The following MMP26 variants were observed in gnomAD, a reference collection of about 807,000 sequenced individuals.
The protein encoded by MMP26 is matrix metalloproteinase-26.
MMP26 carries 33 observed loss-of-function variants against 31.0 expected under a neutral mutation model. The ratio of observed to expected loss-of-function variants is 1.06; its 90% CI spans 0.81 to 1.42. The LOEUF is 1.42. Ranked by LOEUF, MMP26 falls within the 40% of genes most tolerant of loss-of-function variation. The pLI, the probability that MMP26 is intolerant of heterozygous loss-of-function variation, is 0.00. For missense variants in MMP26, 347 were observed against 316.1 expected (o/e 1.10, Z -0.74); for synonymous variants, 122 against 114.9 (o/e 1.06, Z -0.40).
intron 2 of MMP26, among the ~76,000 whole-genome samples, chr11:4,800,164 C>A (rs763994525): frequency 8.5e-5 from 13 of 152,232 alleles, no homozygotes; most frequent in Non-Finnish European, 1.6e-4. Context: ...TTCCCTTCAG[C>A]GCTGGCTTAC....
rs1030723 is a variant in MMP26, at chr11:4,769,241, G to C, written c.-145+1900G>C. The C allele has an allele frequency of 3.6e-4, 587 of 1,613,354 alleles. 1 individual carries two copies. Among genetic ancestry groups the C allele is most frequent in the Non-Finnish European group, 4.6e-4 (537 of 1,179,422 alleles). On this transcript the variant is annotated intron_variant, in intron 2 of 7. Transcript: ENST00000380390. ...TTCAGGGGAGGCAATTCTGAGGACA[G>C]AGTGAATAATTAAGATATATGACAG...
chr11:4,865,998 G>T (rs1850228899), intron 2 of MMP26, among the ~76,000 whole-genome samples: 1 of 152,098 alleles, frequency 6.6e-6, no homozygotes, highest in Non-Finnish European at 1.5e-5. Flanking sequence ...TTGACAACTG[G>T]TTGAATATTA....
At chr11:4,854,527 C>T (rs1850021649) in intron 2 of MMP26, among the ~76,000 whole-genome samples, 1 of 152,196 alleles carries the variant, frequency 6.6e-6, no homozygotes, top group African/African-American at 2.4e-5. Context: ...GGGCGTCTGA[C>T]ATTGCTGAGG....
intron 2 of MMP26, among the ~76,000 whole-genome samples, chr11:4,965,480 A>G (rs1427193612): frequency 6.6e-6 from 1 of 152,196 alleles, no homozygotes; most frequent in Non-Finnish European, 1.5e-5. Context: ...GGAGGCTTAG[A>G]TGATAAATTA....
At chr11:4,894,996 G>A (rs1028119954) in intron 2 of MMP26, among the ~76,000 whole-genome samples, 3 of 152,138 alleles carry the variant, frequency 2.0e-5, no homozygotes, top group African/African-American at 7.2e-5. Context: ...AAGAGGTAGA[G>A]TTGGCAAAGC....
chr11:4,814,323 C>T (rs1036348453), intron 2 of MMP26, among the ~76,000 whole-genome samples: 1 of 151,874 alleles, frequency 6.6e-6, no homozygotes, highest in Non-Finnish European at 1.5e-5. Context: ...TTCATAATAC[C>T]TAAAATGTGG....
intron 2 of MMP26, among the ~76,000 whole-genome samples, chr11:4,808,793 G>A (rs1202573128): frequency 6.7e-6 from 1 of 150,366 alleles, no homozygotes; most frequent in African/African-American, 2.5e-5. Context: ...TGGAGGAGCA[G>A]GGCTGCCCTG....
At position 4,790,350 on chromosome 11, in the gene MMP26, AAAAC is replaced by A. The variant is rs578167082; in HGVS notation, c.-145+23021_-145+23024del. 2.6e-3 allele frequency among the ~76,000 whole-genome samples: 389 copies of A among 152,310 alleles called. 4 individuals are homozygous for A. Among genetic ancestry groups the A allele is most frequent in the Non-Finnish European group, 4.2e-3 (283 of 68,030 alleles). ...GGCAACAGAGTGAGACTCTGTCTCA[AAAAC>A]AAACAAACAAAAAAAAGCAATTATT... On this transcript the variant is annotated intron_variant, in intron 2 of 7. Coordinates refer to ENST00000380390, the MANE Select transcript of MMP26 (RefSeq NM_021801.5).
chr11:4,865,063 G>A (rs1015594), intron 2 of MMP26, among the ~76,000 whole-genome samples: 103,705 of 151,822 alleles, frequency 0.68, 36,930 homozygotes, highest in Middle Eastern at 0.79. Context: ...CTACTGGTGA[G>A]CTCCAGCTAT....
chr11:4,786,681 A>G (rs1265655092), intron 2 of MMP26: 3 of 151,994 alleles, frequency 2.0e-5, no homozygotes, highest in Non-Finnish European at 4.4e-5. Context: ...TCAGGCACAG[A>G]TAGATTTGGA....
chr11:4,933,972 A>G (rs1309804177), intron 2 of MMP26, among the ~76,000 whole-genome samples: 2 of 146,052 alleles, frequency 1.4e-5, no homozygotes, highest in Non-Finnish European at 3.0e-5. Flanking sequence ...CCAGTCTATC[A>G]TTGTTGGACA....
At chr11:4,775,754 G>GAC (rs933825909) in intron 2 of MMP26, among the ~76,000 whole-genome samples, 3 of 151,832 alleles carry the variant, frequency 2.0e-5, no homozygotes, top group African/African-American at 7.3e-5. Flanking sequence ...GAGTGAGAGA[G>GAC]AGAGAGAGAG....
At chr11:4,882,246 T>A (rs1413053691) in intron 2 of MMP26, 1 of 1,614,034 alleles carries the variant, frequency 6.2e-7, no homozygotes, top group East Asian at 2.2e-5. Flanking sequence ...GAGTCCTCGG[T>A]GCTGGTAGCC....
intron 1 of MMP26, chr11:4,723,731 T>C: frequency 8.2e-7 from 1 of 1,221,180 alleles, no homozygotes; most frequent in South Asian, 1.2e-5. Context: ...AGTTGCCGCC[T>C]AAGGTTGTTG....
At chr11:4,865,029 T>C (rs1469834723) in intron 2 of MMP26, among the ~76,000 whole-genome samples, 2 of 152,126 alleles carry the variant, frequency 1.3e-5, no homozygotes, top group Non-Finnish European at 2.9e-5. Context: ...TCAGCATTCC[T>C]TGTTAGCTAT....
At chr11:4,723,793 T>G in intron 1 of MMP26, 6 of 1,570,156 alleles carry the variant, frequency 3.8e-6, no homozygotes, top group Non-Finnish European at 5.2e-6. Context: ...CTTCTGCTGC[T>G]GCAGGAGGCT....
rs972153823 is a variant in MMP26, at chr11:4,951,310, C to G, written c.-144-36758C>G. Among the ~76,000 whole-genome samples the G allele has an allele frequency of 4.8e-5, 6 of 123,900 alleles. 1 individual carries two copies. Among genetic ancestry groups the G allele is most frequent in the African/African-American group, 1.6e-4 (6 of 36,564 alleles). 81.3% of individuals were successfully genotyped at this position (123,900 alleles called of 152,430 possible). On this transcript the variant is annotated intron_variant, in intron 2 of 7. Transcript: ENST00000380390. ...AAATGGCATATTTCTGGGTACCTGT[C>G]TGTCTTTGATGGCTTGATTTCTCCA...
chr11:4,844,229 A>T (rs995347525), intron 2 of MMP26, among the ~76,000 whole-genome samples: 1 of 152,186 alleles, frequency 6.6e-6, no homozygotes, highest in South Asian at 2.1e-4. Context: ...GAAGAAATCC[A>T]AAATATAAAC....
At chr11:4,843,827 C>A (rs1351894934) in intron 2 of MMP26, among the ~76,000 whole-genome samples, 1 of 152,206 alleles carries the variant, frequency 6.6e-6, no homozygotes, top group East Asian at 1.9e-4. Context: ...ATATGTTCTG[C>A]TTCCCTTTTA....
Sources: allele counts gnomAD v4.1 joint callset (sites outside exome capture counted in the v4.1 genomes callset), GRCh38; gene constraint gnomAD v4.1.1; transcripts MANE v1.5; gene names NCBI Gene and HGNC (gene_info 2026-07-23, HGNC 2026-07-21).